Variants in SLC17A4 observed in about 807,000 individuals in gnomAD.
SLC17A4 encodes probable small intestine urate exporter.
Under a neutral mutation model 52.5 loss-of-function variants are expected in SLC17A4, and 33 were observed. The observed-to-expected ratio is 0.63, with a 90% CI of 0.48 to 0.84. The LOEUF is 0.84. Ranked by LOEUF, SLC17A4 falls within the 40% of genes least tolerant of loss-of-function variation. SLC17A4 has a pLI of 0.00. For missense variants in SLC17A4, 585 were observed against 597.1 expected, an observed-to-expected ratio of 0.98 and a Z score of 0.21; for synonymous variants, 225 against 216.2, an observed-to-expected ratio of 1.04 and a Z score of -0.36.
chr6:25,764,822 A>T (rs550669425), intron 2 of SLC17A4, among the ~76,000 whole-genome samples: 2 of 152,248 alleles, frequency 1.3e-5, no homozygotes, highest in African/African-American at 4.8e-5. Context: ...GCAATTTAGC[A>T]TCAGGGGCCA....
At position 25,768,989 on chromosome 6, in the gene SLC17A4, T is replaced by C. The variant is rs1319684030; in HGVS notation, c.96T>C (p.Phe32=). The C allele has an allele frequency of 6.2e-7, 1 of 1,614,044 alleles. No homozygotes were observed. Among genetic ancestry groups the C allele is most frequent in the South Asian group, 1.1e-5 (1 of 91,078 alleles). The part of the protein sequence containing the change: ...VAQEECSRKG[F]CSVRHGLALI... Reference sequence around the variant, plus strand: ...TTCATGCCCTTTTCCTCTCAGGTTTTTGTTCAGTCCGACATGGGCTGGCCC... The same window carrying C: ...TTCATGCCCTTTTCCTCTCAGGTTTCTGTTCAGTCCGACATGGGCTGGCCC... The change falls in exon 3 of 12, where the codon TTT becomes TTC. Residue 32 remains phenylalanine, a synonymous_variant. Transcript: ENST00000377905.
At chr6:25,770,877 C>T in intron 5 of SLC17A4, 49 bp from the exon 6 acceptor site, 9 of 1,414,654 alleles carry the variant, frequency 6.4e-6, no homozygotes, top group Non-Finnish European at 9.0e-6. Flanking sequence ...GCACATAGAG[C>T]CCCAAGACGA....
intron 2 of SLC17A4, among the ~76,000 whole-genome samples, chr6:25,764,076 AG>A (rs891857711): frequency 2.0e-5 from 3 of 152,190 alleles, no homozygotes; most frequent in Non-Finnish European, 4.4e-5. Context: ...ATTTTTCAGG[AG>A]GACACCCCAA....
chr6:25,767,442 C>T (rs1205519585), intron 2 of SLC17A4, among the ~76,000 whole-genome samples: 5 of 152,118 alleles, frequency 3.3e-5, no homozygotes, highest in Admixed American at 6.6e-5. Flanking sequence ...TGTTATTAAT[C>T]TCATTTTTCA....
rs191358923 is a variant in SLC17A4 at position 25,776,758 on chromosome 6, G to A, written c.1120+31G>A. ...GGAGAGACTGGACACAGGGGTGAAC[G>A]TGGGAAGCTCAGAGCAGCCTTCAGT... On this transcript the variant is annotated intron_variant, in intron 9 of 11. Transcript: ENST00000377905. 3.1e-4 allele frequency: 507 copies of A among 1,613,912 alleles called. 2 individuals are homozygous for A. Among genetic ancestry groups the A allele is most frequent in the Middle Eastern group, 2.8e-3 (17 of 6,060 alleles).
Position 25,770,196 on chromosome 6 carries a change from G to T in SLC17A4, c.427G>T (p.Ala143Ser), listed in dbSNP as rs1464323222. 6 of 1,614,020 alleles carry T rather than the reference G, an allele frequency of 3.7e-6. No homozygotes were observed. Among genetic ancestry groups the T allele is most frequent in the South Asian group, 1.1e-5 (1 of 91,082 alleles). ...ATTTGGAGCCAAGTATGTGGTTGGT[G>T]CTGGCTTGTTTATTTCCTCATTCCT... ...GIFGAKYVVG[A>S]GLFISSFLTL... is the part of the protein sequence containing the mutation. The change falls in exon 4 of 12, where the codon GCT becomes TCT. Residue 143 changes from alanine to serine, a missense_variant. Ala to Ser is a moderately conservative substitution (Grantham distance 99). Transcript: ENST00000377905.
intron 6 of SLC17A4, among the ~76,000 whole-genome samples, chr6:25,772,301 C>T (rs1762548435): frequency 6.6e-6 from 1 of 152,146 alleles, no homozygotes; most frequent in Non-Finnish European, 1.5e-5. Context: ...CCTCCAACCC[C>T]AATGTGCAAC....
At chr6:25,765,885 C>G (rs77474362) in intron 2 of SLC17A4, among the ~76,000 whole-genome samples, 12,009 of 151,854 alleles carry the variant, frequency 0.079, 890 homozygotes, top group African/African-American at 0.2. Context: ...CATACAAGAG[C>G]TGGTTCTTTG....
chr6:25,770,523 C>A, intron 5 of SLC17A4, 52 bp downstream of exon 5: 1 of 1,532,236 alleles, frequency 6.5e-7, no homozygotes, highest in Non-Finnish European at 9.0e-7. Context: ...GAGAACTCAG[C>A]AAAGTCCTGC....
chr6:25,775,084 C>T (rs1561811863), intron 8 of SLC17A4, among the ~76,000 whole-genome samples: 3 of 152,138 alleles, frequency 2.0e-5, no homozygotes, highest in Non-Finnish European at 4.4e-5. Context: ...AATCCCAACA[C>T]TTTGGGAGGA....
intron 5 of SLC17A4, 94 bp downstream of exon 5, chr6:25,770,565 T>G: frequency 1.7e-5 from 19 of 1,126,028 alleles, no homozygotes; most frequent in Non-Finnish European, 2.6e-5. Flanking sequence ...TATCAATCTC[T>G]GTGTCTTCAT....
chr6:25,767,350 T>C (rs1762107277), intron 2 of SLC17A4, among the ~76,000 whole-genome samples: 1 of 152,162 alleles, frequency 6.6e-6, no homozygotes, highest in African/African-American at 2.4e-5. Context: ...ATCCCAATAA[T>C]ACGAAGGTGG....
In SLC17A4 at chr6:25,780,766, A is replaced by G. The variant is rs1763249551; in HGVS notation, c.*1578A>G. On this transcript the variant is annotated 3_prime_UTR_variant, in exon 12 of 12. Coordinates refer to ENST00000377905, the MANE Select transcript of SLC17A4 (RefSeq NM_005495.3). ...GAACAATGGCCCCTGGCATGAGGCA[A>G]TAGACATGGTGAGAGGTGAATGGAT... The G allele has an allele frequency of 6.6e-6, 1 of 152,200 alleles. No homozygotes were observed. Among genetic ancestry groups the G allele is most frequent in the Admixed American group, 6.6e-5 (1 of 15,256 alleles). The allele number at this position is 152,200 out of a possible 1,614,324, so 9.4% of individuals were successfully genotyped here. A position where few individuals can be genotyped will look rare whatever the true frequency, so the allele number is the denominator to read the frequency against.
intron 11 of SLC17A4, among the ~76,000 whole-genome samples, chr6:25,778,650 G>GA (rs1763136778): frequency 6.6e-6 from 1 of 152,130 alleles, no homozygotes; most frequent in Non-Finnish European, 1.5e-5. Context: ...GAAATCTATG[G>GA]AAGTAAAATA....
At chr6:25,776,549 G>T (rs199953443) in intron 8 of SLC17A4, 46 bp from the exon 9 acceptor site, 1 of 1,549,856 alleles carries the variant, frequency 6.5e-7, no homozygotes. Flanking sequence ...GTGTCGTGGT[G>T]GGGGTGGTAA....
chr6:25,777,881 C>A lies in SLC17A4; in HGVS notation c.1269-45C>A, dbSNP rs529351247. 2.0e-6 allele frequency: 3 copies of A among 1,509,992 alleles called. No individual in the cohort carries two copies. The South Asian group carries it at 3.4e-5, about 17-fold the overall frequency. The allele number at this position is 1,509,992 out of a possible 1,614,324, so 93.5% of individuals were successfully genotyped here. ...TCTCCCGGGTATTGAGACTTTCAAA[C>A]GTAGGTATACTTGGTTATAATAGAG... On this transcript the variant is annotated intron_variant, in intron 10 of 11. Coordinates refer to ENST00000377905, the MANE Select transcript of SLC17A4 (RefSeq NM_005495.3).
intron 1 of SLC17A4, among the ~76,000 whole-genome samples, chr6:25,757,562 C>T (rs991840755): frequency 5.3e-5 from 8 of 152,074 alleles, no homozygotes; most frequent in African/African-American, 1.9e-4. Flanking sequence ...CCCCCCAACC[C>T]GCTGCTCCAG....
intron 2 of SLC17A4, among the ~76,000 whole-genome samples, chr6:25,766,980 A>G (rs1320899628): frequency 6.6e-6 from 1 of 152,202 alleles, no homozygotes; most frequent in East Asian, 1.9e-4. Context: ...AGTAGTTAAT[A>G]ATATATCACT....
chr6:25,779,429 T>C lies in SLC17A4; in HGVS notation c.*241T>C. 4.7e-6 allele frequency: 2 copies of C among 422,100 alleles called. No individual in the cohort carries two copies. Among genetic ancestry groups the C allele is most frequent in the Non-Finnish European group, 8.2e-6 (2 of 243,708 alleles). The allele number at this position is 422,100 out of a possible 1,614,324, so 26.1% of individuals were successfully genotyped here. A position where few individuals can be genotyped will look rare whatever the true frequency, so the allele number is the denominator to read the frequency against. On this transcript the variant is annotated 3_prime_UTR_variant, in exon 12 of 12. Transcript: ENST00000377905. ...TGTGTTCTCCACTCTTCCACTGTTA[T>C]CCTAGTAAAAGCATCAGGGGCTGGG...
Sources: allele counts gnomAD v4.1 joint callset (sites outside exome capture counted in the v4.1 genomes callset), GRCh38; gene constraint gnomAD v4.1.1; transcripts MANE v1.5; gene names NCBI Gene and HGNC (gene_info 2026-07-23, HGNC 2026-07-21).